PRKACB: variants seen among roughly 807,000 people sequenced by gnomAD.
PRKACB encodes protein kinase cAMP-activated catalytic subunit beta.
PRKACB carries 16 observed loss-of-function variants against 51.4 expected under a neutral mutation model. The observed-to-expected ratio is 0.31, with a 90% CI of 0.21 to 0.47. PRKACB has a LOEUF of 0.47. Among genes scored for constraint, PRKACB ranks in the 20% least tolerant of loss-of-function variants. The pLI is 1.00. For synonymous variants in PRKACB, 147 were observed against 154.4 expected (o/e 0.95, Z 0.35); for missense variants, 309 against 464.5 (o/e 0.67, Z 3.08).
At chr1:84,115,702 G>T (rs1383366528) in intron 1 of PRKACB, among the ~76,000 whole-genome samples, 2 of 151,700 alleles carry the variant, frequency 1.3e-5, no homozygotes, top group East Asian at 3.9e-4. Context: ...GACCAACATG[G>T]AGAAACCCTT....
chr1:84,133,543 G>A (rs1652474063), intron 1 of PRKACB, among the ~76,000 whole-genome samples: 1 of 152,204 alleles, frequency 6.6e-6, no homozygotes, highest in Admixed American at 6.5e-5. Flanking sequence ...ATGCCTTCGT[G>A]GTGGTGGGGG....
chr1:84,196,731 G>A lies in PRKACB; in HGVS notation c.676G>A (p.Gly226Ser), dbSNP rs1467962100. The A allele has an allele frequency of 6.2e-7, 1 of 1,612,294 alleles. No individual in the cohort carries two copies. The highest frequency in any genetic ancestry group is 8.5e-7 in the Non-Finnish European group (1 of 1,178,768). Residue 226 changes from glycine (G) to serine (S), a missense_variant, in exon 6 of 10, where the codon GGC becomes AGC. Physicochemically the swap from Gly to Ser is moderately conservative, Grantham distance 56 (BLOSUM62 0). This residue lies in a region of PRKACB where 60 missense variants were observed against 144.4 expected (regional missense o/e 0.42). Coordinates refer to ENST00000370685, the MANE Select transcript of PRKACB (RefSeq NM_182948.4). ...KPENLLIDHQ[G>S]YIQVTDFGFA... ...TGAAAATCTCTTAATTGACCATCAAGGCTATATCCAGGTATGACTTTAACA... is the reference window on the plus strand; with the variant it reads ...TGAAAATCTCTTAATTGACCATCAAAGCTATATCCAGGTATGACTTTAACA...
chr1:84,134,053 G>C (rs182500738), intron 1 of PRKACB, among the ~76,000 whole-genome samples: 2 of 152,260 alleles, frequency 1.3e-5, no homozygotes, highest in East Asian at 3.9e-4. Flanking sequence ...AGGATGGAGT[G>C]GGAAAGTAGT....
At chr1:84,120,461 T>A (rs557214064) in intron 1 of PRKACB, among the ~76,000 whole-genome samples, 1 of 152,140 alleles carries the variant, frequency 6.6e-6, no homozygotes, top group South Asian at 2.1e-4. Flanking sequence ...ATATAGGAGA[T>A]GGTAGTAGAG....
chr1:84,124,049 A>T (rs1231917192), intron 1 of PRKACB, among the ~76,000 whole-genome samples: 1 of 152,176 alleles, frequency 6.6e-6, no homozygotes, highest in Non-Finnish European at 1.5e-5. Context: ...CATCTTTTAG[A>T]TACCTAAAGC....
rs767786398 is a variant in PRKACB at position 84,182,341 on chromosome 1, G to A, written c.378+13G>A. The A allele has an allele frequency of 1.3e-6, 2 of 1,520,044 alleles. No individual in the cohort carries two copies. Among genetic ancestry groups the A allele is most frequent in the Admixed American group, 1.9e-5 (1 of 51,302 alleles). 94.2% of individuals were successfully genotyped at this position (1,520,044 alleles called of 1,614,324 possible). On this transcript the variant is annotated intron_variant, in intron 3 of 9. Transcript: ENST00000370685. ...AGATAAGCAGAAGGTGAGTGTATTT[G>A]TTGTTATTTACCTTCAGGGTAAACT...
At chr1:84,124,498 G>A (rs112532804) in intron 1 of PRKACB, among the ~76,000 whole-genome samples, 9 of 152,284 alleles carry the variant, frequency 5.9e-5, no homozygotes, top group East Asian at 3.9e-4. Context: ...GGTTTCTATC[G>A]TAGTAATTAT....
At chr1:84,125,200 G>C (rs895648222) in intron 1 of PRKACB, among the ~76,000 whole-genome samples, 4 of 152,142 alleles carry the variant, frequency 2.6e-5, no homozygotes, top group African/African-American at 9.7e-5. Flanking sequence ...TATAGGACTA[G>C]GGTCTCTGTT....
chr1:84,116,553 A>C (rs1650648054), intron 1 of PRKACB, among the ~76,000 whole-genome samples: 1 of 151,920 alleles, frequency 6.6e-6, no homozygotes, highest in South Asian at 2.1e-4. Context: ...TTCTTGGATA[A>C]ATTTATTCCT....
chr1:84,132,617 G>T (rs961572266), intron 1 of PRKACB, among the ~76,000 whole-genome samples: 1 of 152,084 alleles, frequency 6.6e-6, no homozygotes, highest in Non-Finnish European at 1.5e-5. Flanking sequence ...AATATGTTAA[G>T]GGCCATAATG....
chr1:84,136,229 C>T (rs896263907), intron 1 of PRKACB, among the ~76,000 whole-genome samples: 6 of 151,626 alleles, frequency 4.0e-5, no homozygotes, highest in South Asian at 4.2e-4. Context: ...AAAATTGAAT[C>T]GATTATTTAA....
At chr1:84,197,976 T>A in intron 7 of PRKACB, 152 bp downstream of exon 7, 1 of 559,990 alleles carries the variant, frequency 1.8e-6, no homozygotes, top group Non-Finnish European at 3.0e-6. Flanking sequence ...ACTAAAGAAT[T>A]ATTATTTAGC....
At chr1:84,230,464 T>C (rs963466486) in intron 9 of PRKACB, among the ~76,000 whole-genome samples, 1 of 152,144 alleles carries the variant, frequency 6.6e-6, no homozygotes, top group African/African-American at 2.4e-5. Context: ...TCCAATTCTG[T>C]GAAGAAAGTC....
chr1:84,172,856 CAT>C (rs1447761345), intron 1 of PRKACB, among the ~76,000 whole-genome samples: 5 of 151,490 alleles, frequency 3.3e-5, no homozygotes, highest in East Asian at 3.9e-4. Flanking sequence ...TCCAAATACT[CAT>C]ATATATGTGG....
intron 1 of PRKACB, chr1:84,175,851 A>G (rs771543114): frequency 7.1e-7 from 1 of 1,400,164 alleles, no homozygotes; most frequent in Non-Finnish European, 9.5e-7. Flanking sequence ...GACTATTTAA[A>G]TCATACAAAC....
chr1:84,195,441 T>C (rs1414688914), intron 5 of PRKACB, among the ~76,000 whole-genome samples: 1 of 152,200 alleles, frequency 6.6e-6, no homozygotes, highest in Admixed American at 6.5e-5. Context: ...ATCCTATTCA[T>C]AGTTAAGGTT....
intron 1 of PRKACB, chr1:84,173,408 A>G: frequency 1.5e-6 from 2 of 1,368,242 alleles, no homozygotes; most frequent in Non-Finnish European, 2.0e-6. Context: ...ATCGTAAGCT[A>G]AATTTTTATG....
chr1:84,090,537 T>C (rs910685317), intron 1 of PRKACB, among the ~76,000 whole-genome samples: 2 of 152,210 alleles, frequency 1.3e-5, no homozygotes, highest in African/African-American at 4.8e-5. Context: ...TTATGGGGAC[T>C]AGAAACACAT....
chr1:84,121,395 A>T (rs1651060300), intron 1 of PRKACB, among the ~76,000 whole-genome samples: 1 of 152,080 alleles, frequency 6.6e-6, no homozygotes. Flanking sequence ...ATATATATTC[A>T]TATACATATA....
Sources: gnomAD v4.1 joint callset for allele counts (sites outside exome capture counted in the v4.1 genomes callset) on GRCh38, gnomAD v4.1.1 for gene constraint, gnomAD v4.1.1 regional missense constraint, MANE v1.5 for transcripts, NCBI Gene and HGNC (gene_info 2026-07-23, HGNC 2026-07-21) for gene names.